ALG14: variants seen among roughly 807,000 people sequenced by gnomAD.
ALG14 encodes UDP-N-acetylglucosamine transferase subunit ALG14.
Under a neutral mutation model 22.8 loss-of-function variants are expected in ALG14, and 17 were observed. That is an observed-to-expected ratio of 0.75 (90% CI 0.51 to 1.12). ALG14 has a LOEUF of 1.12. Among genes scored for constraint, ALG14 ranks in the 50% most tolerant of loss-of-function variants. The pLI is 0.00. For synonymous variants in ALG14, 89 were observed against 103.7 expected, an observed-to-expected ratio of 0.86 and a Z score of 0.86; for missense variants, 288 against 271.8, an observed-to-expected ratio of 1.06 and a Z score of -0.42.
chr1:95,059,214 T>C (rs1005558641), intron 2 of ALG14, among the ~76,000 whole-genome samples: 1 of 151,728 alleles, frequency 6.6e-6, no homozygotes, highest in Non-Finnish European at 1.5e-5. Context: ...CTGGCTAACA[T>C]GGGGAAACCC....
chr1:94,997,462 T>G (rs1383022848), intron 3 of ALG14, among the ~76,000 whole-genome samples: 1 of 152,214 alleles, frequency 6.6e-6, no homozygotes, highest in Non-Finnish European at 1.5e-5. Flanking sequence ...AGCCCCTGTT[T>G]ATTGAAACAG....
At chr1:94,995,235 A>G (rs1003935352) in intron 3 of ALG14, among the ~76,000 whole-genome samples, 2 of 152,246 alleles carry the variant, frequency 1.3e-5, no homozygotes, top group Admixed American at 1.3e-4. Flanking sequence ...GTCAAAGGAT[A>G]TGTAAGAACA....
intron 2 of ALG14, among the ~76,000 whole-genome samples, chr1:95,049,637 T>C (rs557286415): frequency 6.6e-6 from 1 of 152,196 alleles, no homozygotes; most frequent in South Asian, 2.1e-4. Flanking sequence ...TTTGGGAAGC[T>C]GAAGCAGGCA....
In ALG14 at chr1:95,027,148, T is replaced by G. The variant is rs2100771746; in HGVS notation, c.401A>C (p.His134Pro). 6.2e-7 allele frequency: 1 copy of G among 1,614,016 alleles called. No individual in the cohort carries two copies. Among genetic ancestry groups the G allele is most frequent in the Non-Finnish European group, 8.5e-7 (1 of 1,179,992 alleles). ...HSMWLSFPLI[H>P]RVKPDLVLCN... ...ACTTACCAAATCTGGCTTCACCCTG[T>G]GAATTAGGGGAAAGGAGAGCCACAT... The change falls in exon 3 of 4, where the codon CAC becomes CCC. Residue 134 changes from histidine (H) to proline (P), a missense_variant. Coordinates refer to ENST00000370205, the MANE Select transcript of ALG14 (RefSeq NM_144988.4).
intron 3 of ALG14, among the ~76,000 whole-genome samples, chr1:95,004,467 C>T (rs897431244): frequency 3.3e-5 from 5 of 151,744 alleles, no homozygotes; most frequent in Admixed American, 1.3e-4. Flanking sequence ...GGTGATCTGC[C>T]GGCCTTGGTC....
At chr1:95,069,291 A>T (rs1367735853) in intron 1 of ALG14, among the ~76,000 whole-genome samples, 1 of 152,216 alleles carries the variant, frequency 6.6e-6, no homozygotes, top group Admixed American at 6.5e-5. Context: ...GCCTGGGTAC[A>T]TAACAAGAGT....
chr1:95,029,113 T>C (rs1030061723), intron 2 of ALG14, among the ~76,000 whole-genome samples: 3 of 152,192 alleles, frequency 2.0e-5, no homozygotes, highest in African/African-American at 7.2e-5. Flanking sequence ...TGGCTTGCAG[T>C]GACTCATGAA....
intron 3 of ALG14, among the ~76,000 whole-genome samples, chr1:94,993,803 C>A (rs1034854669): frequency 6.6e-6 from 1 of 152,206 alleles, no homozygotes; most frequent in Non-Finnish European, 1.5e-5. Context: ...GCAGTGCAGA[C>A]ATCCAGACAT....
At chr1:95,012,064 G>A (rs922447225) in intron 3 of ALG14, among the ~76,000 whole-genome samples, 3 of 152,084 alleles carry the variant, frequency 2.0e-5, no homozygotes, top group African/African-American at 4.8e-5. Flanking sequence ...TTTATAAGGG[G>A]TTTCCCCTTT....
At chr1:94,991,906 C>T (rs1672784118) in intron 3 of ALG14, among the ~76,000 whole-genome samples, 1 of 151,666 alleles carries the variant, frequency 6.6e-6, no homozygotes, top group Non-Finnish European at 1.5e-5. Context: ...CAGACGCACA[C>T]ATTACCCTAG....
At chr1:94,986,468 T>A (rs1672644908) in intron 3 of ALG14, among the ~76,000 whole-genome samples, 1 of 152,016 alleles carries the variant, frequency 6.6e-6, no homozygotes, top group Non-Finnish European at 1.5e-5. Flanking sequence ...ACTGACAGCT[T>A]TTTTTTTCTT....
At position 94,993,318 on chromosome 1, in the gene ALG14, T is replaced by A. The variant is rs1483213971; in HGVS notation, c.421-10012A>T. Among the ~76,000 whole-genome samples, 7 of 146,362 alleles carry A rather than the reference T, an allele frequency of 4.8e-5. No homozygotes were observed. In the East Asian group the frequency reaches 1.4e-3, roughly 29 times the overall value. ...ATATATCAGGCTCCTTCTATCTTTATATAAATATATATTTTAAATCTTATT... is the reference window on the plus strand; with the variant it reads ...ATATATCAGGCTCCTTCTATCTTTAAATAAATATATATTTTAAATCTTATT... On this transcript the variant is annotated intron_variant, in intron 3 of 3. Coordinates refer to ENST00000370205, the MANE Select transcript of ALG14 (RefSeq NM_144988.4).
At chr1:94,990,715 G>A (rs1245793744) in intron 3 of ALG14, among the ~76,000 whole-genome samples, 1 of 152,216 alleles carries the variant, frequency 6.6e-6, no homozygotes, top group Non-Finnish European at 1.5e-5. Flanking sequence ...AGGTAAGCAA[G>A]TTATAAATTG....
chr1:94,992,410 GACTT>G (rs1672797874), intron 3 of ALG14, among the ~76,000 whole-genome samples: 1 of 152,144 alleles, frequency 6.6e-6, no homozygotes, highest in South Asian at 2.1e-4. Context: ...CTGAGGAGGT[GACTT>G]ACTTACAAGC....
intron 2 of ALG14, among the ~76,000 whole-genome samples, chr1:95,055,828 T>TAAAAA (rs35131311): frequency 1.1e-3 from 38 of 33,050 alleles, no homozygotes; most frequent in African/African-American, 4.1e-3. Flanking sequence ...CCGTCTCTAC[T>TAAAAA]AAAAAAAAAA....
chr1:95,016,942 G>GTGT (rs1673510013), intron 3 of ALG14, among the ~76,000 whole-genome samples: 10 of 129,298 alleles, frequency 7.7e-5, no homozygotes, highest in African/African-American at 2.9e-4. Flanking sequence ...TTGCAAAAGG[G>GTGT]GTGTGTGTGT....
At chr1:95,034,107 T>C (rs1332247284) in intron 2 of ALG14, among the ~76,000 whole-genome samples, 1 of 152,206 alleles carries the variant, frequency 6.6e-6, no homozygotes, top group Non-Finnish European at 1.5e-5. Flanking sequence ...CCTTGTCTGC[T>C]CATTCTAACA....
At chr1:95,008,587 A>G (rs1248823578) in intron 3 of ALG14, among the ~76,000 whole-genome samples, 1 of 152,190 alleles carries the variant, frequency 6.6e-6, no homozygotes, top group African/African-American at 2.4e-5. Flanking sequence ...GAATAAAAAA[A>G]CCCTATATAT....
chr1:95,049,060 T>A (rs7526765), intron 2 of ALG14, among the ~76,000 whole-genome samples: 24,696 of 152,118 alleles, frequency 0.16, 2,586 homozygotes, highest in East Asian at 0.47. Context: ...GAAGAATTTG[T>A]GCAAGAAATG....
Sources: gnomAD v4.1 joint callset for allele counts (sites outside exome capture counted in the v4.1 genomes callset) on GRCh38, gnomAD v4.1.1 for gene constraint, MANE v1.5 for transcripts, NCBI Gene and HGNC (gene_info 2026-07-23, HGNC 2026-07-21) for gene names.